APBB2: variants seen among roughly 807,000 people sequenced by gnomAD.
APBB2 encodes amyloid beta precursor protein binding family B member 2, also known as Fe65-like 1.
Under a neutral mutation model 82.5 loss-of-function variants are expected in APBB2, and 38 were observed. The observed-to-expected ratio is 0.46, with a 90% CI of 0.36 to 0.60. APBB2 has a LOEUF of 0.60. Ranked by LOEUF, APBB2 falls within the 20% of genes least tolerant of loss-of-function variation. The pLI is 0.00. For missense variants in APBB2, 772 were observed against 972.3 expected (o/e 0.79, Z 2.74); for synonymous variants, 341 against 368.2 (o/e 0.93, Z 0.85).
intron 12 of APBB2, among the ~76,000 whole-genome samples, chr4:40,883,327 C>A (rs755785599): frequency 5.9e-5 from 9 of 152,032 alleles, no homozygotes; most frequent in African/African-American, 1.9e-4. Context: ...TGGCTCACAC[C>A]AGTAATCCCA....
intron 12 of APBB2, among the ~76,000 whole-genome samples, chr4:40,885,912 T>C (rs1770084236): frequency 6.6e-6 from 1 of 152,128 alleles, no homozygotes; most frequent in South Asian, 2.1e-4. Flanking sequence ...TTTAACTCAG[T>C]TTCCCAAGTG....
At chr4:41,049,497 C>T (rs1234927476) in intron 4 of APBB2, among the ~76,000 whole-genome samples, 1 of 146,648 alleles carries the variant, frequency 6.8e-6, no homozygotes, top group African/African-American at 2.5e-5. Flanking sequence ...CCGCCCCGTC[C>T]GGGAGGGAGG....
In APBB2 at chr4:40,826,072, GC is replaced by G; in HGVS notation, c.1733-103del. ...TCTGAATGCTCAGGACACGCCCTGT[GC>G]CATAACGCCCTATGTTTCTGGATGT... is the stretch of plus-strand genomic sequence containing the variant. On this transcript the variant is annotated intron_variant, in intron 14 of 17. Coordinates refer to ENST00000508593, the MANE Select transcript of APBB2 (RefSeq NM_004307.2). This position sits in a 1 kb window ranked among gnomAD's most constrained non-coding sequence, Gnocchi z 4.5. 1 of 832,208 alleles carries G rather than the reference GC, an allele frequency of 1.2e-6. No individual in the cohort carries two copies. The highest frequency in any genetic ancestry group is 2.1e-6 in the Non-Finnish European group (1 of 474,434). The allele number at this position is 832,208 out of a possible 1,614,324, so 51.6% of individuals were successfully genotyped here.
chr4:41,169,183 CAAAAAAAAAAAA>C (rs60032221), intron 1 of APBB2, among the ~76,000 whole-genome samples: 1 of 60,726 alleles, frequency 1.6e-5, no homozygotes, highest in Admixed American at 2.1e-4. Flanking sequence ...CACTCCGTCT[CAAAAAAAAAAAA>C]AAAAAAAAAA....
chr4:40,905,841 G>A (rs946162007), intron 10 of APBB2, among the ~76,000 whole-genome samples: 1 of 152,148 alleles, frequency 6.6e-6, no homozygotes, highest in Non-Finnish European at 1.5e-5. Context: ...CCTCCGCACT[G>A]AGAGATCTCT....
intron 3 of APBB2, among the ~76,000 whole-genome samples, chr4:41,074,616 T>A (rs1414016261): frequency 2.9e-4 from 43 of 146,890 alleles, no homozygotes; most frequent in East Asian, 1.2e-3. Context: ...TTATTTTTTT[T>A]TTTTTTTTTT....
At position 41,001,714 on chromosome 4, in the gene APBB2, C is replaced by T. The variant is rs374446822; in HGVS notation, c.835+11869G>A. On this transcript the variant is annotated intron_variant, in intron 6 of 17. Coordinates refer to ENST00000508593, the MANE Select transcript of APBB2 (RefSeq NM_004307.2). ...CCAACCTGGTGAAACTCTGCCTCTACTAAAAATACAGAAATTAGCCGGGCA... is the reference window on the plus strand; with the variant it reads ...CCAACCTGGTGAAACTCTGCCTCTATTAAAAATACAGAAATTAGCCGGGCA... Among the ~76,000 whole-genome samples the T allele has an allele frequency of 9.9e-5, 15 of 152,158 alleles. No homozygotes were observed. The East Asian group carries it at 1.4e-3, about 14-fold the overall frequency.
At chr4:40,988,719 T>C (rs1025225404) in intron 6 of APBB2, among the ~76,000 whole-genome samples, 2 of 150,460 alleles carry the variant, frequency 1.3e-5, no homozygotes, top group Non-Finnish European at 3.0e-5. Flanking sequence ...TTAATATTAC[T>C]GTGACGAATG....
rs186488629 is a variant in APBB2 at position 40,945,095 on chromosome 4, C to T, written c.836-22G>A. ...TCTGCTGAAAAATTGGGGGGCGGGGCGGGGGGAGAAAGAGAGAATTTTATT... is the reference window on the plus strand; with the variant it reads ...TCTGCTGAAAAATTGGGGGGCGGGGTGGGGGGAGAAAGAGAGAATTTTATT... On this transcript the variant is annotated intron_variant, in intron 6 of 17. Coordinates refer to ENST00000508593, the MANE Select transcript of APBB2 (RefSeq NM_004307.2). The T allele has an allele frequency of 2.7e-3, 1,463 of 549,648 alleles. 3 individuals carry two copies. Among genetic ancestry groups the T allele is most frequent in the Non-Finnish European group, 3.4e-3 (1,144 of 332,832 alleles). The allele number at this position is 549,648 out of a possible 1,614,324, so 34.0% of individuals were successfully genotyped here. A position where few individuals can be genotyped will look rare whatever the true frequency, so the allele number is the denominator to read the frequency against.
chr4:41,078,253 C>A (rs1736330261), intron 3 of APBB2, among the ~76,000 whole-genome samples: 1 of 151,912 alleles, frequency 6.6e-6, no homozygotes, highest in African/African-American at 2.4e-5. Flanking sequence ...TAATTTGCTA[C>A]AAGGAAGTAA....
At chr4:41,157,375 C>G (rs1052508525) in intron 1 of APBB2, among the ~76,000 whole-genome samples, 1 of 152,196 alleles carries the variant, frequency 6.6e-6, no homozygotes, top group Non-Finnish European at 1.5e-5. Context: ...TGAAGGCCAA[C>G]AGGCCCTTGG....
intron 10 of APBB2, among the ~76,000 whole-genome samples, chr4:40,917,636 G>A (rs945143413): frequency 6.6e-6 from 1 of 152,158 alleles, no homozygotes; most frequent in Non-Finnish European, 1.5e-5. Context: ...GAATTATAAA[G>A]GTAGAGGGAG....
chr4:40,876,963 G>A (rs1460218538), intron 12 of APBB2, among the ~76,000 whole-genome samples: 1 of 152,148 alleles, frequency 6.6e-6, no homozygotes, highest in Non-Finnish European at 1.5e-5. Flanking sequence ...TCTGACCTAG[G>A]TATTAAGGAG....
rs188155312 is a variant in APBB2, at chr4:40,835,456, G to A, written c.1530-4879C>T. Reference sequence around the variant, plus strand: ...TAAGTGTAAGAAGGACCTCATCACAGTAAGAAGGCAGCAGACAGCTCAAAG... The same window carrying A: ...TAAGTGTAAGAAGGACCTCATCACAATAAGAAGGCAGCAGACAGCTCAAAG... On this transcript the variant is annotated intron_variant, in intron 12 of 17. Transcript: ENST00000508593. Among the ~76,000 whole-genome samples, 438 of 152,260 alleles carry A rather than the reference G, an allele frequency of 2.9e-3. 3 individuals are homozygous for A. The highest frequency in any genetic ancestry group is 9.9e-3 in the African/African-American group (413 of 41,544).
chr4:40,843,152 C>T lies in APBB2; in HGVS notation c.1530-12575G>A, dbSNP rs745417771. Among the ~76,000 whole-genome samples the T allele has an allele frequency of 2.0e-4, 30 of 152,284 alleles. 1 individual carries two copies. The highest frequency in any genetic ancestry group is 6.0e-4 in the African/African-American group (25 of 41,554). On this transcript the variant is annotated intron_variant, in intron 12 of 17. Coordinates refer to ENST00000508593, the MANE Select transcript of APBB2 (RefSeq NM_004307.2). The stretch of plus-strand genomic sequence containing the variant: ...ATTGTCACAGCCGATTTGCATGCAC[C>T]GTACACAGAGCAACTAGACCGAAGA...
At chr4:40,969,660 T>G (rs1795482883) in intron 6 of APBB2, among the ~76,000 whole-genome samples, 1 of 152,216 alleles carries the variant, frequency 6.6e-6, no homozygotes, top group Non-Finnish European at 1.5e-5. Context: ...CCCTGGATGT[T>G]TTAAAGAGTC....
At chr4:41,066,229 A>G (rs1731761238) in intron 3 of APBB2, among the ~76,000 whole-genome samples, 1 of 152,210 alleles carries the variant, frequency 6.6e-6, no homozygotes, top group Non-Finnish European at 1.5e-5. Flanking sequence ...CTGAAAATAC[A>G]CCAGATGAAA....
chr4:40,919,730 G>A (rs778256115), intron 10 of APBB2, among the ~76,000 whole-genome samples: 84 of 152,302 alleles, frequency 5.5e-4, no homozygotes, highest in Non-Finnish European at 9.1e-4. Context: ...AGTTTTGGAA[G>A]ACAAAAATTA....
At chr4:40,819,176 CTTTTTTTTTTTTCT>C (rs200526309) in intron 17 of APBB2, among the ~76,000 whole-genome samples, 27,725 of 135,202 alleles carry the variant, frequency 0.21, 2,788 homozygotes, top group African/African-American at 0.23. Flanking sequence ...CCTTGGCTCT[CTTTTTTTTTTTTCT>C]TTTTTTTTTT....
Sources: allele counts gnomAD v4.1 joint callset (sites outside exome capture counted in the v4.1 genomes callset), GRCh38; gene constraint gnomAD v4.1.1; non-coding constraint Gnocchi (gnomAD v3.1); transcripts MANE v1.5; gene names NCBI Gene and HGNC (gene_info 2026-07-23, HGNC 2026-07-21).